The following ARB2A variants were observed in gnomAD, a reference collection of about 807,000 sequenced individuals.
The protein encoded by ARB2A is cotranscriptional regulator ARB2A.
the ARB2A span, chr5:93,739,246 A>AAAAG: frequency 6.6e-6 from 1 of 152,106 alleles, no homozygotes; most frequent in African/African-American, 2.4e-5. Context: ...ACCAGAAAAA[A>AAAAG]AAAGAAAGAA....
the ARB2A span, among the ~76,000 whole-genome samples, chr5:93,867,130 T>C: frequency 6.6e-6 from 1 of 152,198 alleles, no homozygotes; most frequent in Non-Finnish European, 1.5e-5. Flanking sequence ...GTTAAATTTG[T>C]ATATAATGGT....
At chr5:93,631,037 C>T in the ARB2A span, among the ~76,000 whole-genome samples, 918 of 152,106 alleles carry the variant, frequency 6.0e-3, 5 homozygotes, top group Non-Finnish European at 8.5e-3. Flanking sequence ...GGACTACAGG[C>T]GTGCACCTGG....
chr5:94,069,948 C>T, the ARB2A span, among the ~76,000 whole-genome samples: 1 of 151,974 alleles, frequency 6.6e-6, no homozygotes, highest in Non-Finnish European at 1.5e-5. Flanking sequence ...TATGTATTCA[C>T]AGAAAAGGAA....
chr5:93,920,479 G>T, the ARB2A span, among the ~76,000 whole-genome samples: 2 of 152,008 alleles, frequency 1.3e-5, no homozygotes, highest in Non-Finnish European at 2.9e-5. Context: ...CAAAAAATTT[G>T]GGGGGACTTG....
the ARB2A span, among the ~76,000 whole-genome samples, chr5:93,937,941 C>T: frequency 3.9e-5 from 6 of 152,098 alleles, no homozygotes; most frequent in Non-Finnish European, 8.8e-5. Flanking sequence ...AGAAACCTTT[C>T]ATTTAAAAAA....
the ARB2A span, among the ~76,000 whole-genome samples, chr5:93,954,408 TGTC>T: frequency 6.6e-6 from 1 of 152,020 alleles, no homozygotes; most frequent in South Asian, 2.1e-4. Flanking sequence ...CATCTAGAAA[TGTC>T]GTCTGGAATC....
chr5:93,880,370 A>T, the ARB2A span, among the ~76,000 whole-genome samples: 1 of 151,742 alleles, frequency 6.6e-6, no homozygotes, highest in South Asian at 2.1e-4. Flanking sequence ...CATGAACTAG[A>T]ATAATACAGA....
At chr5:93,840,109 A>ATC in the ARB2A span, among the ~76,000 whole-genome samples, 1 of 152,094 alleles carries the variant, frequency 6.6e-6, no homozygotes, top group African/African-American at 2.4e-5. Flanking sequence ...TTAATTTGAT[A>ATC]TCTTTTTAAC....
chr5:93,933,337 A>G, the ARB2A span, among the ~76,000 whole-genome samples: 1 of 152,224 alleles, frequency 6.6e-6, no homozygotes, highest in Non-Finnish European at 1.5e-5. Flanking sequence ...ATTCTACTAG[A>G]AAGATACATG....
At chr5:93,683,508 G>A in the ARB2A span, 1 of 1,566,576 alleles carries the variant, frequency 6.4e-7, no homozygotes, top group Non-Finnish European at 8.7e-7. Flanking sequence ...ACTTTAATTG[G>A]ACTGCCTTCG....
chr5:93,980,057 T>C, the ARB2A span, among the ~76,000 whole-genome samples: 2 of 152,166 alleles, frequency 1.3e-5, no homozygotes, highest in African/African-American at 4.8e-5. Context: ...TGTTGCTTTA[T>C]ATAGCTAAAG....
the ARB2A span, among the ~76,000 whole-genome samples, chr5:94,106,307 T>C: frequency 6.6e-6 from 1 of 151,778 alleles, no homozygotes; most frequent in African/African-American, 2.4e-5. Context: ...CCATAAAAAA[T>C]GGGCAAAGGA....
the ARB2A span, among the ~76,000 whole-genome samples, chr5:93,858,348 A>G: frequency 7.2e-4 from 109 of 152,324 alleles, 1 homozygote; most frequent in African/African-American, 2.4e-3. Context: ...TTTGGGCCCA[A>G]TGAGCCATTC....
At chr5:93,979,874 T>C in the ARB2A span, among the ~76,000 whole-genome samples, 1 of 152,112 alleles carries the variant, frequency 6.6e-6, no homozygotes, top group Non-Finnish European at 1.5e-5. Flanking sequence ...CCTTAGAGTT[T>C]TAACATGAAT....
At chr5:93,682,343 G>A in the ARB2A span, among the ~76,000 whole-genome samples, 1 of 151,392 alleles carries the variant, frequency 6.6e-6, no homozygotes, top group Admixed American at 6.6e-5. Flanking sequence ...TATTAGTCCT[G>A]AAATTTGGAT....
the ARB2A span, chr5:93,683,119 T>G: frequency 6.5e-7 from 1 of 1,547,778 alleles, no homozygotes; most frequent in Non-Finnish European, 8.8e-7. Context: ...CATTTTTGGC[T>G]GGAGTATCTC....
the ARB2A span, among the ~76,000 whole-genome samples, chr5:93,781,189 A>G: frequency 2.2e-4 from 34 of 152,064 alleles, 1 homozygote; most frequent in African/African-American, 8.0e-4. Flanking sequence ...TGGAGTCTCC[A>G]ATGTCTATTA....
the ARB2A span, among the ~76,000 whole-genome samples, chr5:93,944,143 T>A: frequency 6.6e-6 from 1 of 152,166 alleles, no homozygotes; most frequent in Non-Finnish European, 1.5e-5. Context: ...TGGTTATATA[T>A]AAATTTACTT....
chr5:94,070,756 A>G, the ARB2A span, among the ~76,000 whole-genome samples: 1 of 152,072 alleles, frequency 6.6e-6, no homozygotes, highest in South Asian at 2.1e-4. Flanking sequence ...AAACAAAAAA[A>G]GGGGGCAAAA....
Sources: allele counts gnomAD v4.1 joint callset (sites outside exome capture counted in the v4.1 genomes callset), GRCh38; gene constraint gnomAD v4.1.1; transcripts MANE v1.5; gene names NCBI Gene and HGNC (gene_info 2026-07-23, HGNC 2026-07-21).